Variants in GRIA4 observed in about 807,000 individuals in gnomAD.
GRIA4 encodes glutamate ionotropic receptor AMPA type subunit 4.
In GRIA4, 34 loss-of-function variants were observed where a neutral mutation model predicts 104.0. That is an observed-to-expected ratio of 0.33 (90% confidence interval 0.25 to 0.44). The LOEUF (loss-of-function observed/expected upper bound fraction) is 0.44, where lower values mean the gene tolerates loss of function less well. Ranked by LOEUF, GRIA4 falls within the 20% of genes least tolerant of loss-of-function variation. The pLI is 1.00. For missense variants in GRIA4, 750 were observed against 1,096.5 expected (o/e 0.68, Z 4.46); for synonymous variants, 386 against 381.9 (o/e 1.01, Z -0.13).
At chr11:105,900,931 T>C (rs1011978742) in intron 7 of GRIA4, among the ~76,000 whole-genome samples, 1 of 151,712 alleles carries the variant, frequency 6.6e-6, no homozygotes, top group African/African-American at 2.4e-5. Context: ...AATAATTCAC[T>C]GTACATTTAA....
chr11:105,793,268 A>G (rs557118833), intron 4 of GRIA4, among the ~76,000 whole-genome samples: 45 of 152,232 alleles, frequency 3.0e-4, no homozygotes, highest in Middle Eastern at 3.4e-3. Context: ...AGTCTGCACC[A>G]TTTCCCTTGG....
intron 9 of GRIA4, among the ~76,000 whole-genome samples, chr11:105,906,215 T>C (rs557449168): frequency 6.6e-6 from 1 of 152,324 alleles, no homozygotes; most frequent in Non-Finnish European, 1.5e-5. Context: ...AAACCTATAA[T>C]TTGAGTAGTA....
At chr11:105,881,728 CACAT>C (rs1276329434) in intron 5 of GRIA4, among the ~76,000 whole-genome samples, 1 of 151,328 alleles carries the variant, frequency 6.6e-6, no homozygotes, top group Non-Finnish European at 1.5e-5. Flanking sequence ...CCTGCATACA[CACAT>C]ACACACACAG....
intron 4 of GRIA4, among the ~76,000 whole-genome samples, chr11:105,836,853 A>C (rs1239935993): frequency 6.6e-6 from 1 of 152,110 alleles, no homozygotes; most frequent in African/African-American, 2.4e-5. Context: ...GATGGCTTTG[A>C]TTTTATATTT....
intron 4 of GRIA4, among the ~76,000 whole-genome samples, chr11:105,756,337 T>C (rs1164674641): frequency 6.6e-6 from 1 of 152,166 alleles, no homozygotes; most frequent in African/African-American, 2.4e-5. Context: ...AGAAGTGCTC[T>C]GTGTCTGGAC....
chr11:105,805,946 A>AGATTAGAG (rs1942936729), intron 4 of GRIA4, among the ~76,000 whole-genome samples: 1 of 151,894 alleles, frequency 6.6e-6, no homozygotes, highest in Non-Finnish European at 1.5e-5. Flanking sequence ...AAATATAATT[A>AGATTAGAG]GATTAGAGAG....
intron 13 of GRIA4, 123 bp from the exon 14 acceptor site, chr11:105,933,599 G>T: frequency 1.5e-6 from 1 of 657,822 alleles, no homozygotes; most frequent in Non-Finnish European, 2.6e-6. Flanking sequence ...GTTACTCTGT[G>T]GCAAATTGGA....
intron 4 of GRIA4, among the ~76,000 whole-genome samples, chr11:105,853,425 A>T (rs1944890979): frequency 6.6e-6 from 1 of 151,902 alleles, no homozygotes; most frequent in Non-Finnish European, 1.5e-5. Context: ...GATATGTGGG[A>T]CTCTGGGCTT....
intron 3 of GRIA4, among the ~76,000 whole-genome samples, chr11:105,682,887 G>A (rs569064455): frequency 1.3e-5 from 2 of 152,174 alleles, no homozygotes; most frequent in East Asian, 3.9e-4. Context: ...GTATACTCCT[G>A]GTGTGAGCAA....
At chr11:105,966,492 A>T (rs1591495219) in intron 14 of GRIA4, among the ~76,000 whole-genome samples, 1 of 152,082 alleles carries the variant, frequency 6.6e-6, no homozygotes, top group Non-Finnish European at 1.5e-5. Flanking sequence ...CTCCACATAG[A>T]CCTGTCTAGG....
At chr11:105,910,695 G>A (rs1204292725) in intron 10 of GRIA4, 150 bp downstream of exon 10, 1 of 553,142 alleles carries the variant, frequency 1.8e-6, no homozygotes, top group Non-Finnish European at 3.3e-6. Flanking sequence ...GCTTTGAATA[G>A]GTTCATCCTA....
intron 3 of GRIA4, among the ~76,000 whole-genome samples, chr11:105,676,872 C>A (rs1838666): frequency 0.97 from 147,610 of 151,788 alleles, 71,874 homozygotes; most frequent in Non-Finnish European, 1. Context: ...GTACATAATC[C>A]TGTCTGTGTT....
intron 14 of GRIA4, among the ~76,000 whole-genome samples, chr11:105,969,903 G>A (rs905117397): frequency 6.6e-6 from 1 of 152,150 alleles, no homozygotes; most frequent in Non-Finnish European, 1.5e-5. Flanking sequence ...TAAATGAGAT[G>A]TGACTTCTGC....
chr11:105,807,855 C>T (rs1565252070), intron 4 of GRIA4, among the ~76,000 whole-genome samples: 1 of 151,744 alleles, frequency 6.6e-6, no homozygotes, highest in East Asian at 1.9e-4. Context: ...CTGCCCTTTG[C>T]TTACTTCCTT....
intron 12 of GRIA4, among the ~76,000 whole-genome samples, chr11:105,926,506 A>G (rs761991200): frequency 7.2e-5 from 11 of 152,132 alleles, no homozygotes; most frequent in Non-Finnish European, 1.5e-4. Flanking sequence ...CATTTTCTTT[A>G]AACAATAAAA....
chr11:105,854,908 C>T (rs1944956342), intron 4 of GRIA4, among the ~76,000 whole-genome samples: 2 of 152,164 alleles, frequency 1.3e-5, no homozygotes, highest in African/African-American at 4.8e-5. Context: ...ATGTAAGTCA[C>T]ATAAATTGTT....
chr11:105,745,357 G>A (rs1939590108), intron 3 of GRIA4, among the ~76,000 whole-genome samples: 1 of 152,128 alleles, frequency 6.6e-6, no homozygotes, highest in Non-Finnish European at 1.5e-5. Context: ...ACTCAAGGCA[G>A]CAGACTTTCA....
chr11:105,615,648 C>T (rs546070073), intron 3 of GRIA4, among the ~76,000 whole-genome samples: 1 of 151,828 alleles, frequency 6.6e-6, no homozygotes, highest in East Asian at 1.9e-4. Context: ...AGGCAACTTT[C>T]TTTAATTAAA....
At chr11:105,977,365 C>A (rs1859035578) in intron 16 of GRIA4, among the ~76,000 whole-genome samples, 1 of 151,848 alleles carries the variant, frequency 6.6e-6, no homozygotes, top group South Asian at 2.1e-4. Flanking sequence ...TTTGGAGACT[C>A]TGAGTGGTTT....
Sources: allele counts gnomAD v4.1 joint callset (sites outside exome capture counted in the v4.1 genomes callset), GRCh38; gene constraint gnomAD v4.1.1; transcripts MANE v1.5; gene names NCBI Gene and HGNC (gene_info 2026-07-23, HGNC 2026-07-21).